HMOX2: variants seen among roughly 807,000 people sequenced by gnomAD.
The protein encoded by HMOX2 is heme oxygenase 2, also known as heme oxygenase (decycling) 2.
A neutral mutation model predicts 33.7 loss-of-function variants in HMOX2; 30 were observed. That is an observed-to-expected ratio of 0.89 (90% CI 0.67 to 1.21). The LOEUF (loss-of-function observed/expected upper bound fraction) is 1.21. Ranked by LOEUF, HMOX2 falls within the 50% of genes most tolerant of loss-of-function variation. The pLI is 0.00. For missense variants in HMOX2, 403 were observed against 399.1 expected (o/e 1.01, Z -0.08); for synonymous variants, 155 against 155.0 (o/e 1.00, Z 0.00).
upstream of HMOX2, chr16:4,476,352 C>G (rs1486671823): frequency 1.3e-5 from 2 of 152,298 alleles, no homozygotes; most frequent in African/African-American, 4.8e-5. Flanking sequence ...TCTCTAGGCC[C>G]CGCCCCGCGC....
intron 4 of HMOX2, among the ~76,000 whole-genome samples, chr16:4,508,591 T>C (rs973934039): frequency 2.6e-5 from 4 of 151,876 alleles, no homozygotes; most frequent in African/African-American, 9.7e-5. Flanking sequence ...CCAAGGAGAG[T>C]AAATAAGCTC....
intron 1 of HMOX2, among the ~76,000 whole-genome samples, chr16:4,488,485 A>AT (rs1006958018): frequency 1.3e-4 from 19 of 151,040 alleles, no homozygotes; most frequent in East Asian, 9.7e-4. Flanking sequence ...GGGATTTTTT[A>AT]TTTTTTTTTC....
At chr16:4,482,353 C>T (rs547316236) in intron 1 of HMOX2, among the ~76,000 whole-genome samples, 46 of 152,176 alleles carry the variant, frequency 3.0e-4, no homozygotes, top group South Asian at 6.2e-4. Context: ...GCAAAAAAAC[C>T]CAAAGTCTTT....
At chr16:4,484,013 C>A (rs371837821) in intron 1 of HMOX2, among the ~76,000 whole-genome samples, 1 of 134,536 alleles carries the variant, frequency 7.4e-6, no homozygotes, top group African/African-American at 2.9e-5. Flanking sequence ...CTTGCTCTGT[C>A]GCCCAGGCTG....
chr16:4,508,491 C>T (rs998527399), intron 4 of HMOX2, among the ~76,000 whole-genome samples: 2 of 152,144 alleles, frequency 1.3e-5, no homozygotes, highest in African/African-American at 4.8e-5. Flanking sequence ...TCCCTCATTG[C>T]AGGATGCTGG....
At chr16:4,505,232 G>T (rs1226445297) in intron 1 of HMOX2, among the ~76,000 whole-genome samples, 1 of 152,122 alleles carries the variant, frequency 6.6e-6, no homozygotes, top group Non-Finnish European at 1.5e-5. Context: ...TATAATCGCA[G>T]TACAATTATT....
At chr16:4,482,856 C>A (rs549956814) in intron 1 of HMOX2, among the ~76,000 whole-genome samples, 1 of 152,016 alleles carries the variant, frequency 6.6e-6, no homozygotes, top group Non-Finnish European at 1.5e-5. Flanking sequence ...GGTGAAACCC[C>A]ATTTCTAGTA....
chr16:4,496,159 C>G (rs2058415374), intron 1 of HMOX2: 2 of 145,746 alleles, frequency 1.4e-5, no homozygotes, highest in African/African-American at 5.2e-5. Context: ...GAGTCTCGCT[C>G]TGTTGCCCAG....
At chr16:4,482,352 C>T (rs1445159353) in intron 1 of HMOX2, among the ~76,000 whole-genome samples, 4 of 152,230 alleles carry the variant, frequency 2.6e-5, no homozygotes, top group Admixed American at 2.0e-4. Context: ...GGCAAAAAAA[C>T]CCAAAGTCTT....
intron 1 of HMOX2, chr16:4,496,758 A>G (rs988617997): frequency 1.3e-5 from 2 of 152,218 alleles, no homozygotes; most frequent in African/African-American, 4.8e-5. Context: ...TTAGCCTGGT[A>G]TACCCAGGTC....
At chr16:4,483,973 A>ATTTT (rs34376283) in intron 1 of HMOX2, among the ~76,000 whole-genome samples, 6 of 124,668 alleles carry the variant, frequency 4.8e-5, no homozygotes, top group African/African-American at 1.3e-4. Context: ...ATGCCCAAAA[A>ATTTT]TTTTTTTTTT....
rs1194011058 is a variant in HMOX2 at position 4,476,976 on chromosome 16, CTATAGG to C, written c.-42+490_-42+495del. 2.6e-5 allele frequency among the ~76,000 whole-genome samples: 4 copies of C among 152,270 alleles called. No homozygotes were observed. The South Asian group carries it at 6.2e-4, about 24-fold the overall frequency. On this transcript the variant is annotated intron_variant, in intron 1 of 5. Transcript: ENST00000570646. ...TGCCCTTCCTCTAATGCCCTTATCT[CTATAGG>C]AAGTGCCCCTTGAGTGGGTGTCGTG...
In HMOX2 at chr16:4,508,013, A is replaced by G. The variant is rs750705876; in HGVS notation, c.505A>G (p.Lys169Glu). 3.7e-6 allele frequency: 6 copies of G among 1,613,954 alleles called. No individual in the cohort carries two copies. Among genetic ancestry groups the G allele is most frequent in the Admixed American group, 1.7e-5 (1 of 59,990 alleles). ...GDLSGGQVLK[K>E]VAQRALKLPS... ...TCTCTCGGGGGGCCAGGTGCTGAAG[A>G]AGGTGGCCCAGCGAGCACTGAAACT... The change falls in exon 4 of 6, where the codon AAG becomes GAG. Residue 169 changes from lysine to glutamate, a missense_variant. By Grantham distance (56) the Lys-to-Glu change is moderately conservative (BLOSUM62 1). Coordinates refer to ENST00000570646, the MANE Select transcript of HMOX2 (RefSeq NM_002134.4).
chr16:4,485,194 G>A (rs1480286811), intron 1 of HMOX2, among the ~76,000 whole-genome samples: 1 of 152,078 alleles, frequency 6.6e-6, no homozygotes, highest in Non-Finnish European at 1.5e-5. Context: ...TCGAACTCCT[G>A]ACCTTAAGTG....
Position 4,507,924 on chromosome 16 carries a change from A to C in HMOX2, c.416A>C (p.His139Pro). ...KAAQKYVERI[H>P]YIGQNEPELL... ...GCCCAGAAGTACGTGGAGCGGATCC[A>C]CTACATAGGGCAGAACGAGCCGGAG... Residue 139 changes from histidine (H) to proline (P), a missense_variant, in exon 4 of 6, where the codon CAC becomes CCC. His to Pro is a moderately conservative substitution (Grantham distance 77). Transcript: ENST00000570646. The C allele has an allele frequency of 6.2e-7, 1 of 1,614,008 alleles. No individual in the cohort carries two copies. Among genetic ancestry groups the C allele is most frequent in the Non-Finnish European group, 8.5e-7 (1 of 1,180,018 alleles).
At chr16:4,481,461 T>A (rs1027088309) in intron 1 of HMOX2, among the ~76,000 whole-genome samples, 1 of 152,136 alleles carries the variant, frequency 6.6e-6, no homozygotes, top group East Asian at 1.9e-4. Context: ...TGATCATAAT[T>A]TTTATGCGAA....
intron 1 of HMOX2, among the ~76,000 whole-genome samples, chr16:4,482,499 C>G (rs1189698466): frequency 6.6e-6 from 1 of 152,204 alleles, no homozygotes; most frequent in African/African-American, 2.4e-5. Context: ...AATTCTGATA[C>G]TCTATCTGGA....
intron 3 of HMOX2, 58 bp from the exon 4 acceptor site, chr16:4,507,655 C>T: frequency 6.4e-7 from 1 of 1,568,502 alleles, no homozygotes; most frequent in Non-Finnish European, 8.7e-7. Flanking sequence ...CCTCTGCATC[C>T]AGCTGCTCGG....
chr16:4,494,313 CA>C (rs2058369710), intron 1 of HMOX2, among the ~76,000 whole-genome samples: 1 of 138,610 alleles, frequency 7.2e-6, no homozygotes, highest in Non-Finnish European at 1.6e-5. Flanking sequence ...GAGACTCTGC[CA>C]CAAAAAAAAA....
Sources: gnomAD v4.1 joint callset for allele counts (sites outside exome capture counted in the v4.1 genomes callset) on GRCh38, gnomAD v4.1.1 for gene constraint, MANE v1.5 for transcripts, NCBI Gene and HGNC (gene_info 2026-07-23, HGNC 2026-07-21) for gene names.